Variants in SRRM3 observed in about 807,000 individuals in gnomAD.
The protein encoded by SRRM3 is serine/arginine repetitive matrix 3.
A neutral mutation model predicts 66.2 loss-of-function variants in SRRM3; 27 were observed. That is an observed-to-expected ratio of 0.41 (90% CI 0.30 to 0.56). SRRM3 has a LOEUF of 0.56. Ranked by LOEUF, SRRM3 falls within the 20% of genes least tolerant of loss-of-function variation. The pLI is 0.32. For synonymous variants in SRRM3, 391 were observed against 414.9 expected (o/e 0.94, Z 0.70); for missense variants, 918 against 991.9 (o/e 0.93, Z 1.00).
In SRRM3 at chr7:76,267,434, A is replaced by C. The variant is rs1198382814; in HGVS notation, c.1007A>C (p.Asp336Ala). The change falls in exon 11 of 15, where the codon GAT (aspartate) becomes GCT (alanine). Residue 336 changes from aspartate to alanine, a missense_variant and splice_region_variant. By Grantham distance (126) the Asp-to-Ala change is moderately radical. Coordinates refer to ENST00000611745, the MANE Select transcript of SRRM3 (RefSeq NM_001110199.3). ...CCCGGCTCGGCGCACAGCCCGCCCG[A>C]TGTACGTACGCTTCGCTTTGCGGAG... Reference protein sequence around the residue: ...GRPGSAHSPPDKPSSPSPRVR... With the variant: ...GRPGSAHSPPAKPSSPSPRVR... The C allele has an allele frequency of 1.5e-6, 2 of 1,337,726 alleles. No individual in the cohort carries two copies. The highest frequency in any genetic ancestry group is 9.5e-7 in the Non-Finnish European group (1 of 1,047,790). The allele number at this position is 1,337,726 out of a possible 1,614,324, so 82.9% of individuals were successfully genotyped here.
At chr7:76,251,676 C>T (rs113725470) in intron 3 of SRRM3, among the ~76,000 whole-genome samples, 5 of 152,040 alleles carry the variant, frequency 3.3e-5, no homozygotes, top group Non-Finnish European at 5.9e-5. Context: ...GCCCGGCCCC[C>T]AGCAGCACTT....
chr7:76,285,276 C>A lies in SRRM3; in HGVS notation c.1734-339C>A. ...ACAGGGTTTCATTATGTTGGCCAGA[C>A]TGGTCTCAAACTTCTGACCTCAAGT... is the stretch of plus-strand genomic sequence containing the variant. On this transcript the variant is annotated intron_variant, in intron 14 of 14. Transcript: ENST00000611745. This position sits in a 1 kb window ranked among gnomAD's most constrained non-coding sequence, Gnocchi z 4.1. 1 of 290,650 alleles carries A rather than the reference C, an allele frequency of 3.4e-6. No individual in the cohort carries two copies. Among genetic ancestry groups the A allele is most frequent in the Non-Finnish European group, 6.6e-6 (1 of 152,038 alleles). The allele number at this position is 290,650 out of a possible 1,614,324, so 18.0% of individuals were successfully genotyped here.
chr7:76,206,909 G>T (rs554508224), intron 1 of SRRM3, among the ~76,000 whole-genome samples: 37 of 152,308 alleles, frequency 2.4e-4, no homozygotes, highest in Non-Finnish European at 4.4e-4. Flanking sequence ...CATCCTGCCA[G>T]GGCCTCTGAG....
chr7:76,251,823 G>A (rs961830815), intron 3 of SRRM3, among the ~76,000 whole-genome samples: 2 of 152,062 alleles, frequency 1.3e-5, no homozygotes, highest in Non-Finnish European at 2.9e-5. Flanking sequence ...AGCATTTTGG[G>A]AGGCTGAGGC....
chr7:76,203,169 G>A (rs1800202917), intron 1 of SRRM3, among the ~76,000 whole-genome samples: 1 of 152,178 alleles, frequency 6.6e-6, no homozygotes. Context: ...CTAGGAAATT[G>A]TTCCCACACA....
intron 1 of SRRM3, among the ~76,000 whole-genome samples, chr7:76,206,096 C>T (rs943764274): frequency 2.6e-5 from 4 of 152,178 alleles, no homozygotes; most frequent in Non-Finnish European, 5.9e-5. Flanking sequence ...CAGCCTTGAC[C>T]TCCTGGAATC....
chr7:76,273,850 C>T (rs1802270346), intron 11 of SRRM3, among the ~76,000 whole-genome samples: 1 of 152,166 alleles, frequency 6.6e-6, no homozygotes, highest in African/African-American at 2.4e-5. Context: ...TCTAGCCCAT[C>T]TCCCCTCCTT....
chr7:76,231,964 C>T (rs1554604263), intron 1 of SRRM3, among the ~76,000 whole-genome samples: 3 of 152,074 alleles, frequency 2.0e-5, no homozygotes, highest in African/African-American at 7.2e-5. Flanking sequence ...AGGACCAAGG[C>T]TAAGAGGCTG....
chr7:76,228,074 T>G (rs1169416054), intron 1 of SRRM3, among the ~76,000 whole-genome samples: 2 of 152,114 alleles, frequency 1.3e-5, no homozygotes, highest in Non-Finnish European at 2.9e-5. Context: ...CTGACTATAT[T>G]GGCTAGGCTG....
At chr7:76,232,955 G>A (rs1325985379) in intron 1 of SRRM3, among the ~76,000 whole-genome samples, 3 of 151,976 alleles carry the variant, frequency 2.0e-5, no homozygotes, top group Admixed American at 1.3e-4. Flanking sequence ...AGGAGCTTGG[G>A]TCCACGTGGT....
chr7:76,245,991 C>G (rs1370097336), intron 2 of SRRM3, among the ~76,000 whole-genome samples: 1 of 152,098 alleles, frequency 6.6e-6, no homozygotes, highest in Non-Finnish European at 1.5e-5. Context: ...AGCCACTGCA[C>G]CTGGCCAGTA....
At chr7:76,204,024 G>A (rs1800229457) in intron 1 of SRRM3, among the ~76,000 whole-genome samples, 2 of 152,088 alleles carry the variant, frequency 1.3e-5, no homozygotes, top group African/African-American at 2.4e-5. Flanking sequence ...GGGGGTCTGG[G>A]TCTGACAGTC....
intron 1 of SRRM3, among the ~76,000 whole-genome samples, chr7:76,211,080 G>A (rs1252081415): frequency 1.3e-5 from 2 of 152,204 alleles, no homozygotes; most frequent in African/African-American, 4.8e-5. Flanking sequence ...CCAAAGTGCT[G>A]GGATTACAGG....
intron 11 of SRRM3, among the ~76,000 whole-genome samples, chr7:76,279,993 A>C (rs1355450719): frequency 3.3e-5 from 5 of 151,996 alleles, no homozygotes; most frequent in African/African-American, 1.2e-4. Context: ...ATTTTTGTGA[A>C]TCTAATGATG....
At chr7:76,283,734 C>T in intron 14 of SRRM3, 1 of 1,194,550 alleles carries the variant, frequency 8.4e-7, no homozygotes, top group Non-Finnish European at 1.1e-6. Flanking sequence ...GCCACACCTC[C>T]TTGCCCTACA....
At chr7:76,258,572 G>A (rs1426098136) in intron 3 of SRRM3, among the ~76,000 whole-genome samples, 1 of 151,710 alleles carries the variant, frequency 6.6e-6, no homozygotes, top group Non-Finnish European at 1.5e-5. Context: ...AAATTAGCTG[G>A]GCGTGGTGGT....
intron 1 of SRRM3, among the ~76,000 whole-genome samples, chr7:76,211,813 C>CTAT (rs1212856762): frequency 6.6e-5 from 9 of 137,398 alleles, no homozygotes; most frequent in South Asian, 2.4e-4. Context: ...ATTACTATTA[C>CTAT]TACTATTATT....
rs1554612229 is a variant in SRRM3 at position 76,283,016 on chromosome 7, G to C, written c.1648G>C (p.Ala550Pro). Residue 550 changes from alanine (A) to proline (P), a missense_variant, in exon 14 of 15, where the codon GCC (alanine) becomes CCC (proline). Coordinates refer to ENST00000611745, the MANE Select transcript of SRRM3 (RefSeq NM_001110199.3). Reference protein sequence around the residue: ...ARHSEAEATRARRRSRSYSPI... With the variant: ...ARHSEAEATRPRRRSRSYSPI... ...GCACTCTGAGGCCGAGGCCACCCGC[G>C]CCCGGCGCCGCTCCCGCAGCTACTC... The C allele has an allele frequency of 6.8e-6, 10 of 1,471,700 alleles. No individual in the cohort carries two copies. The South Asian group carries it at 1.3e-4, about 19-fold the overall frequency. The allele number at this position is 1,471,700 out of a possible 1,614,324, so 91.2% of individuals were successfully genotyped here.
At chr7:76,214,761 A>G (rs1455375513) in intron 1 of SRRM3, among the ~76,000 whole-genome samples, 1 of 151,860 alleles carries the variant, frequency 6.6e-6, no homozygotes, top group East Asian at 1.9e-4. Context: ...AGACTGAGAA[A>G]CTTTCCTTTT....
Sources: gnomAD v4.1 joint callset for allele counts (sites outside exome capture counted in the v4.1 genomes callset) on GRCh38, gnomAD v4.1.1 for gene constraint, Gnocchi (gnomAD v3.1) non-coding constraint, MANE v1.5 for transcripts, NCBI Gene and HGNC (gene_info 2026-07-23, HGNC 2026-07-21) for gene names.